Variants in LRMDA observed in about 807,000 individuals in gnomAD.
The protein encoded by LRMDA is leucine-rich melanocyte differentiation-associated protein.
LRMDA carries 18 observed loss-of-function variants against 29.8 expected under a neutral mutation model. The ratio of observed to expected loss-of-function variants is 0.60; its 90% CI spans 0.42 to 0.90. LRMDA has a LOEUF of 0.90. Ranked by LOEUF, LRMDA falls within the 40% of genes least tolerant of loss-of-function variation. LRMDA has a pLI of 0.00. For synonymous variants in LRMDA, 125 were observed against 109.4 expected (o/e 1.14, Z -0.89); for missense variants, 273 against 273.9 (o/e 1.00, Z 0.02).
intron 2 of LRMDA, among the ~76,000 whole-genome samples, chr10:75,563,113 C>T (rs987373796): frequency 6.6e-6 from 1 of 152,046 alleles, no homozygotes; most frequent in Non-Finnish European, 1.5e-5. Context: ...TGGATAATAT[C>T]CTGCAGAGTG....
chr10:75,783,941 C>A (rs1843427802), intron 2 of LRMDA, among the ~76,000 whole-genome samples: 1 of 152,100 alleles, frequency 6.6e-6, no homozygotes, highest in South Asian at 2.1e-4. Context: ...TATCTTATGG[C>A]CATTTTTATG....
chr10:76,037,528 C>G (rs892642467), intron 3 of LRMDA, among the ~76,000 whole-genome samples: 1 of 152,234 alleles, frequency 6.6e-6, no homozygotes, highest in Non-Finnish European at 1.5e-5. Context: ...TCTCAGTCAG[C>G]TCTTGCTGCT....
intron 2 of LRMDA, among the ~76,000 whole-genome samples, chr10:75,647,880 C>G (rs975684121): frequency 6.6e-6 from 1 of 152,146 alleles, no homozygotes; most frequent in Non-Finnish European, 1.5e-5. Flanking sequence ...TCACCCACCA[C>G]CCCTACCCAC....
intron 2 of LRMDA, among the ~76,000 whole-genome samples, chr10:75,576,227 C>T (rs61862498): frequency 0.014 from 2,112 of 152,260 alleles, 23 homozygotes; most frequent in Admixed American, 0.026. Context: ...GTGGTTTTGC[C>T]CTCACAGTGT....
At chr10:76,491,868 A>ATTCTTTGTTAATCTTTTTTC (rs1329470408) in intron 6 of LRMDA, among the ~76,000 whole-genome samples, 9 of 151,616 alleles carry the variant, frequency 5.9e-5, no homozygotes, top group Non-Finnish European at 1.2e-4. Context: ...ATTATTTTTT[A>ATTCTTTGTTAATCTTTTTTC]TTCTTTGTTA....
At chr10:76,308,047 AT>A (rs913317114) in intron 5 of LRMDA, among the ~76,000 whole-genome samples, 33 of 152,150 alleles carry the variant, frequency 2.2e-4, no homozygotes, top group African/African-American at 7.7e-4. Context: ...AGAATTCTTA[AT>A]TGTGTGTGAC....
chr10:76,480,401 G>C (rs937896647), intron 6 of LRMDA, among the ~76,000 whole-genome samples: 40 of 151,942 alleles, frequency 2.6e-4, no homozygotes, highest in Admixed American at 2.2e-3. Flanking sequence ...GGAAGTGCAA[G>C]ATTTAATCAT....
rs75278992 is a variant in LRMDA at position 75,951,780 on chromosome 10, T to C, written c.132-84228T>C. ...CATGATAAATACACATTTGAAAATA[T>C]TGATTTGCTGCTACCCCTTTGAAAA... is the stretch of plus-strand genomic sequence containing the variant. On this transcript the variant is annotated intron_variant, in intron 2 of 6. Transcript: ENST00000611255. Among the ~76,000 whole-genome samples the C allele has an allele frequency of 3.1e-3, 470 of 152,340 alleles. 2 individuals are homozygous for C. The highest frequency in any genetic ancestry group is 0.011 in the African/African-American group (450 of 41,578).
intron 6 of LRMDA, among the ~76,000 whole-genome samples, chr10:76,480,792 G>A (rs1055443669): frequency 2.0e-5 from 3 of 151,916 alleles, no homozygotes; most frequent in Non-Finnish European, 4.4e-5. Flanking sequence ...ACATAGAGGT[G>A]TCCTCTTTCA....
At chr10:75,577,120 C>G (rs1840516330) in intron 2 of LRMDA, among the ~76,000 whole-genome samples, 1 of 152,114 alleles carries the variant, frequency 6.6e-6, no homozygotes, top group Admixed American at 6.5e-5. Flanking sequence ...TAACCCAATG[C>G]AAGGAAGCTA....
At chr10:75,977,242 G>A (rs955646441) in intron 2 of LRMDA, among the ~76,000 whole-genome samples, 4 of 151,702 alleles carry the variant, frequency 2.6e-5, no homozygotes, top group African/African-American at 9.7e-5. Context: ...AATTTTCCCA[G>A]CAATTTACTC....
chr10:75,881,663 T>C (rs1333565223), intron 2 of LRMDA, among the ~76,000 whole-genome samples: 1 of 152,126 alleles, frequency 6.6e-6, no homozygotes, highest in Non-Finnish European at 1.5e-5. Flanking sequence ...ACCACTTCAT[T>C]TGCATGGGGT....
chr10:75,990,758 G>A (rs1367116710), intron 2 of LRMDA, among the ~76,000 whole-genome samples: 1 of 152,060 alleles, frequency 6.6e-6, no homozygotes, highest in African/African-American at 2.4e-5. Flanking sequence ...GTCCAGTTTG[G>A]TTAAGTGTGT....
intron 5 of LRMDA, among the ~76,000 whole-genome samples, chr10:76,256,830 T>A (rs1196105739): frequency 6.6e-6 from 1 of 152,220 alleles, no homozygotes; most frequent in East Asian, 1.9e-4. Context: ...TTAGCATACA[T>A]GAACTTAGCT....
At chr10:75,991,897 G>A (rs189706529) in intron 2 of LRMDA, among the ~76,000 whole-genome samples, 6 of 152,316 alleles carry the variant, frequency 3.9e-5, no homozygotes, top group African/African-American at 1.4e-4. Flanking sequence ...TGACTTAACA[G>A]AGTACCACTT....
rs371763642 is a variant in LRMDA, at chr10:76,106,689, C to T, written c.516+47906C>T. On this transcript the variant is annotated intron_variant, in intron 5 of 6. Transcript: ENST00000611255. The stretch of plus-strand genomic sequence containing the variant: ...CTAACTATCTGCTCCTTGTAGGAGA[C>T]GGAAGGTAAATCAAATTGAAAACAC... Among the ~76,000 whole-genome samples the T allele has an allele frequency of 1.9e-4, 29 of 152,250 alleles. No homozygotes were observed. The East Asian group carries it at 3.7e-3, about 19-fold the overall frequency.
At chr10:75,613,425 G>C (rs1215302382) in intron 2 of LRMDA, among the ~76,000 whole-genome samples, 1 of 152,132 alleles carries the variant, frequency 6.6e-6, no homozygotes, top group Non-Finnish European at 1.5e-5. Flanking sequence ...TTGTTGTGTG[G>C]ACTGGTACAC....
At chr10:76,483,291 A>T (rs887002146) in intron 6 of LRMDA, among the ~76,000 whole-genome samples, 1 of 151,966 alleles carries the variant, frequency 6.6e-6, no homozygotes, top group African/African-American at 2.4e-5. Flanking sequence ...GTTTTACAAC[A>T]TTTAAAAACT....
At chr10:75,512,929 G>C (rs575308653) in intron 2 of LRMDA, among the ~76,000 whole-genome samples, 1 of 152,218 alleles carries the variant, frequency 6.6e-6, no homozygotes, top group African/African-American at 2.4e-5. Context: ...CAAGAGTAAT[G>C]AGGCCATTAC....
Sources: allele counts gnomAD v4.1 joint callset (sites outside exome capture counted in the v4.1 genomes callset), GRCh38; gene constraint gnomAD v4.1.1; transcripts MANE v1.5; gene names NCBI Gene and HGNC (gene_info 2026-07-23, HGNC 2026-07-21).